Variants in RAD54L2 observed in about 807,000 individuals in gnomAD.
RAD54L2 encodes the protein RAD54 like 2.
RAD54L2 carries 27 observed loss-of-function variants against 138.4 expected under a neutral mutation model. That is an observed-to-expected ratio of 0.20 (90% CI 0.14 to 0.27). The LOEUF is 0.27. RAD54L2 is among the 10% of genes least tolerant of loss of function. The pLI is 1.00. For synonymous variants in RAD54L2, 644 were observed against 723.2 expected (o/e 0.89, Z 1.76); for missense variants, 1,396 against 1,890.2 (o/e 0.74, Z 4.85).
In RAD54L2 at chr3:51,621,719, C is replaced by T. The variant is rs867835176; in HGVS notation, c.140-5834C>T. ...TCCAAGTGATTGCTCAATAAATTTG[C>T]TTGTGAAATAGAAACAAAACAAAAA... On this transcript the variant is annotated intron_variant, in intron 3 of 22. Transcript: ENST00000684192. 5.3e-5 allele frequency among the ~76,000 whole-genome samples: 8 copies of T among 152,296 alleles called. No individual in the cohort carries two copies. The South Asian group carries it at 1.4e-3, about 28-fold the overall frequency.
chr3:51,592,054 GTTTTTTTTTTT>G (rs71084151), intron 3 of RAD54L2, among the ~76,000 whole-genome samples: 1 of 66,872 alleles, frequency 1.5e-5, no homozygotes, highest in Non-Finnish European at 2.6e-5. Context: ...TGGTTTTGGT[GTTTTTTTTTTT>G]TTTTTTTTTT....
chr3:51,607,549 C>G (rs952800017), intron 3 of RAD54L2, among the ~76,000 whole-genome samples: 2 of 152,202 alleles, frequency 1.3e-5, no homozygotes, highest in East Asian at 3.8e-4. Flanking sequence ...CTTTCTTTTC[C>G]CCACATTTCC....
chr3:51,593,990 G>T (rs1699897738), intron 3 of RAD54L2, among the ~76,000 whole-genome samples: 1 of 148,602 alleles, frequency 6.7e-6, no homozygotes, highest in African/African-American at 2.5e-5. Context: ...AATTTTCCCT[G>T]TAAGCTTTAG....
intron 1 of RAD54L2, chr3:51,541,217 G>A (rs1698540047): frequency 6.6e-6 from 1 of 152,106 alleles, no homozygotes; most frequent in South Asian, 2.1e-4. Context: ...ATAGGTCTAT[G>A]AAGAAAGAAG....
intron 1 of RAD54L2, among the ~76,000 whole-genome samples, chr3:51,540,532 G>T (rs1354753973): frequency 6.6e-6 from 1 of 152,208 alleles, no homozygotes; most frequent in Admixed American, 6.6e-5. Flanking sequence ...TTGGTGTGTT[G>T]TCTGTAGGTG....
intron 3 of RAD54L2, among the ~76,000 whole-genome samples, chr3:51,627,027 C>G (rs1463718797): frequency 6.6e-6 from 1 of 152,168 alleles, no homozygotes; most frequent in African/African-American, 2.4e-5. Context: ...ACCTTCTAAA[C>G]TTCATGAGGG....
At chr3:51,608,998 C>T (rs762105999) in intron 3 of RAD54L2, among the ~76,000 whole-genome samples, 4 of 152,152 alleles carry the variant, frequency 2.6e-5, no homozygotes, top group Non-Finnish European at 4.4e-5. Context: ...TCAGGAAATT[C>T]TCCTGCCTCT....
intron 2 of RAD54L2, among the ~76,000 whole-genome samples, chr3:51,586,083 G>A (rs973018555): frequency 1.3e-5 from 2 of 151,970 alleles, no homozygotes; most frequent in Non-Finnish European, 2.9e-5. Flanking sequence ...AATCAAGGCT[G>A]CCTTGTGTTC....
At chr3:51,644,377 C>T (rs1404180888) in intron 16 of RAD54L2, among the ~76,000 whole-genome samples, 1 of 152,044 alleles carries the variant, frequency 6.6e-6, no homozygotes, top group Non-Finnish European at 1.5e-5. Flanking sequence ...TCTGAGAGGT[C>T]GAAGCTGCAG....
intron 2 of RAD54L2, among the ~76,000 whole-genome samples, chr3:51,572,568 T>C (rs1444265314): frequency 6.6e-6 from 1 of 150,654 alleles, no homozygotes; most frequent in Non-Finnish European, 1.5e-5. Context: ...CAGTGAGCTA[T>C]GATTGTGCCA....
chr3:51,564,143 A>G (rs1399726844), intron 2 of RAD54L2, among the ~76,000 whole-genome samples: 2 of 152,202 alleles, frequency 1.3e-5, no homozygotes, highest in African/African-American at 4.8e-5. Flanking sequence ...AGTGCCTGGT[A>G]AAGCCTTAGG....
At chr3:51,545,383 G>T (rs911273784) in intron 2 of RAD54L2, among the ~76,000 whole-genome samples, 1 of 151,768 alleles carries the variant, frequency 6.6e-6, no homozygotes, top group Non-Finnish European at 1.5e-5. Flanking sequence ...GTAGAGTCAG[G>T]GTTTTACCAT....
At chr3:51,561,925 G>C (rs1699107993) in intron 2 of RAD54L2, among the ~76,000 whole-genome samples, 1 of 151,846 alleles carries the variant, frequency 6.6e-6, no homozygotes, top group African/African-American at 2.4e-5. Flanking sequence ...CTGGAGTGCA[G>C]TGGCGCAATT....
At chr3:51,565,334 T>A (rs940429961) in intron 2 of RAD54L2, among the ~76,000 whole-genome samples, 1 of 147,134 alleles carries the variant, frequency 6.8e-6, no homozygotes, top group East Asian at 2.0e-4. Context: ...AGGTAGAGGC[T>A]GCAGGCTGCA....
intron 2 of RAD54L2, among the ~76,000 whole-genome samples, chr3:51,554,801 T>C (rs568387930): frequency 6.6e-6 from 1 of 152,172 alleles, no homozygotes; most frequent in South Asian, 2.1e-4. Flanking sequence ...AACCTTGGTC[T>C]CCACCATCCC....
chr3:51,589,416 TAAATA>T (rs568132080), intron 2 of RAD54L2, among the ~76,000 whole-genome samples: 4 of 151,886 alleles, frequency 2.6e-5, no homozygotes, highest in African/African-American at 4.8e-5. Context: ...TAAAAATAAA[TAAATA>T]AAATAAAGAG....
At chr3:51,602,815 A>G (rs976330616) in intron 3 of RAD54L2, among the ~76,000 whole-genome samples, 5 of 152,326 alleles carry the variant, frequency 3.3e-5, no homozygotes, top group East Asian at 3.9e-4. Flanking sequence ...AAACAAGTAT[A>G]TAAACAATAT....
intron 2 of RAD54L2, among the ~76,000 whole-genome samples, chr3:51,551,853 GA>G (rs1698847423): frequency 6.6e-6 from 1 of 151,424 alleles, no homozygotes. Flanking sequence ...CCTGGGTTCA[GA>G]CGATTCTCCT....
chr3:51,627,459 T>G, intron 3 of RAD54L2, 94 bp from the exon 4 acceptor site: 2 of 1,192,534 alleles, frequency 1.7e-6, no homozygotes, highest in Admixed American at 2.1e-5. Context: ...AGCTAATAAG[T>G]TGCTGAGTTG....
Sources: gnomAD v4.1 joint callset for allele counts (sites outside exome capture counted in the v4.1 genomes callset) on GRCh38, gnomAD v4.1.1 for gene constraint, MANE v1.5 for transcripts, NCBI Gene and HGNC (gene_info 2026-07-23, HGNC 2026-07-21) for gene names.